Variants in VOPP1 observed in about 807,000 individuals in gnomAD.
VOPP1 encodes the protein WW domain binding protein VOPP1.
Under a neutral mutation model 23.5 loss-of-function variants are expected in VOPP1, and 8 were observed. The ratio of observed to expected loss-of-function variants is 0.34; its 90% CI spans 0.20 to 0.61. The LOEUF (loss-of-function observed/expected upper bound fraction) is 0.61, where lower values mean the gene tolerates loss of function less well. Ranked by LOEUF, VOPP1 falls within the 20% of genes least tolerant of loss-of-function variation. The probability of loss-of-function intolerance (pLI) is 0.78; values close to 1 mark genes in which losing one functional copy is unlikely to be tolerated. For missense variants in VOPP1, 174 were observed against 238.1 expected, an observed-to-expected ratio of 0.73 and a Z score of 1.77; for synonymous variants, 83 against 97.3, an observed-to-expected ratio of 0.85 and a Z score of 0.86.
intron 4 of VOPP1, among the ~76,000 whole-genome samples, chr7:55,476,744 G>T (rs1792288039): frequency 6.6e-6 from 1 of 152,116 alleles, no homozygotes; most frequent in African/African-American, 2.4e-5. Flanking sequence ...CTCCAGCCAT[G>T]GGCAGGAGCC....
At chr7:55,488,496 G>A (rs568246685) in intron 4 of VOPP1, among the ~76,000 whole-genome samples, 3 of 152,102 alleles carry the variant, frequency 2.0e-5, no homozygotes, top group South Asian at 2.1e-4. Context: ...TTTCCACCAC[G>A]TTCAGAGTTC....
intron 4 of VOPP1, among the ~76,000 whole-genome samples, chr7:55,445,230 G>GAC (rs1215755419): frequency 7.5e-6 from 1 of 132,970 alleles, no homozygotes; most frequent in Middle Eastern, 3.3e-3. Flanking sequence ...CACACACACA[G>GAC]ACACACACAC....
At chr7:55,496,392 G>T (rs1055750077) in intron 3 of VOPP1, among the ~76,000 whole-genome samples, 1 of 152,232 alleles carries the variant, frequency 6.6e-6, no homozygotes, top group Non-Finnish European at 1.5e-5. Flanking sequence ...TCAATCTGGA[G>T]ATGCACACAG....
chr7:55,558,574 T>C (rs1342931579), intron 1 of VOPP1, among the ~76,000 whole-genome samples: 1 of 152,126 alleles, frequency 6.6e-6, no homozygotes, highest in African/African-American at 2.4e-5. Flanking sequence ...ACCCTGCTAA[T>C]GCCAATTCCA....
chr7:55,540,442 T>TAAATAAAAAAAA (rs1299869398), intron 1 of VOPP1, among the ~76,000 whole-genome samples: 1 of 135,996 alleles, frequency 7.4e-6, no homozygotes, highest in African/African-American at 2.8e-5. Flanking sequence ...AATAAATAAA[T>TAAATAAAAAAAA]AAAAATAAAT....
At chr7:55,541,007 C>T (rs888488889) in intron 1 of VOPP1, among the ~76,000 whole-genome samples, 2 of 152,068 alleles carry the variant, frequency 1.3e-5, no homozygotes, top group South Asian at 2.1e-4. Context: ...TAAAGTAAAA[C>T]GACAACCCGC....
At chr7:55,514,968 C>T (rs546660678) in intron 2 of VOPP1, among the ~76,000 whole-genome samples, 1 of 152,284 alleles carries the variant, frequency 6.6e-6, no homozygotes, top group South Asian at 2.1e-4. Context: ...CTGGATAAGC[C>T]CTGGACCCTG....
intron 1 of VOPP1, among the ~76,000 whole-genome samples, chr7:55,522,455 A>G (rs1486053038): frequency 6.6e-6 from 1 of 152,240 alleles, no homozygotes; most frequent in African/African-American, 2.4e-5. Context: ...CAGACAGCTG[A>G]CGAAATCAAT....
chr7:55,504,674 C>T (rs1794593173), intron 2 of VOPP1, among the ~76,000 whole-genome samples: 1 of 152,246 alleles, frequency 6.6e-6, no homozygotes, highest in Non-Finnish European at 1.5e-5. Flanking sequence ...GAATCCAAGG[C>T]AGGCCCCACT....
intron 4 of VOPP1, among the ~76,000 whole-genome samples, chr7:55,452,644 G>T (rs971429672): frequency 1.3e-5 from 2 of 152,182 alleles, no homozygotes; most frequent in African/African-American, 2.4e-5. Context: ...GTGTTAGCAG[G>T]CATGAAAACA....
At chr7:55,464,764 T>G (rs1791591927) in intron 4 of VOPP1, among the ~76,000 whole-genome samples, 1 of 152,106 alleles carries the variant, frequency 6.6e-6, no homozygotes, top group Admixed American at 6.5e-5. Context: ...AAGGATGTAG[T>G]CTGGTGGAGG....
intron 4 of VOPP1, among the ~76,000 whole-genome samples, chr7:55,489,716 C>T (rs535209483): frequency 9.9e-5 from 15 of 152,238 alleles, no homozygotes; most frequent in African/African-American, 3.4e-4. Context: ...TGATGTATTC[C>T]GACCCTGGTT....
At chr7:55,562,569 A>T (rs529723276) in intron 1 of VOPP1, among the ~76,000 whole-genome samples, 1 of 152,194 alleles carries the variant, frequency 6.6e-6, no homozygotes, top group South Asian at 2.1e-4. Flanking sequence ...TCCAAATACA[A>T]CCAAAATCAG....
At chr7:55,476,848 G>A (rs1170712689) in intron 4 of VOPP1, among the ~76,000 whole-genome samples, 3 of 152,158 alleles carry the variant, frequency 2.0e-5, no homozygotes, top group Non-Finnish European at 2.9e-5. Flanking sequence ...CTCATGGGAC[G>A]GTGGGCTCTC....
intron 4 of VOPP1, among the ~76,000 whole-genome samples, chr7:55,473,848 C>T (rs1792028225): frequency 6.6e-6 from 1 of 152,198 alleles, no homozygotes; most frequent in South Asian, 2.1e-4. Flanking sequence ...GTGAGGCTTC[C>T]TTTAGCTCAG....
chr7:55,491,847 A>C (rs141319718), intron 4 of VOPP1, among the ~76,000 whole-genome samples: 1 of 152,356 alleles, frequency 6.6e-6, no homozygotes, highest in East Asian at 1.9e-4. Context: ...AAAAGACAAA[A>C]CATGAGAAAA....
chr7:55,437,127 A>G (rs1043722133), intron 4 of VOPP1, among the ~76,000 whole-genome samples: 2 of 152,200 alleles, frequency 1.3e-5, no homozygotes, highest in African/African-American at 4.8e-5. Flanking sequence ...TGGAGGTGGC[A>G]GGGAAGTTAC....
intron 4 of VOPP1, among the ~76,000 whole-genome samples, chr7:55,458,822 A>T (rs1791430985): frequency 6.6e-6 from 1 of 152,176 alleles, no homozygotes; most frequent in East Asian, 1.9e-4. Flanking sequence ...CTATCTACAG[A>T]AAGAGACAAT....
intron 4 of VOPP1, among the ~76,000 whole-genome samples, chr7:55,477,924 C>T (rs928178047): frequency 2.0e-5 from 3 of 152,182 alleles, no homozygotes; most frequent in African/African-American, 7.2e-5. Flanking sequence ...GTGGAGGCAG[C>T]GCGGCCGCGG....
Sources: allele counts gnomAD v4.1 joint callset (sites outside exome capture counted in the v4.1 genomes callset), GRCh38; gene constraint gnomAD v4.1.1; transcripts MANE v1.5; gene names NCBI Gene and HGNC (gene_info 2026-07-23, HGNC 2026-07-21).